The following CDKAL1 variants were observed in gnomAD, a reference collection of about 807,000 sequenced individuals.
CDKAL1 encodes the protein threonylcarbamoyladenosine tRNA methylthiotransferase.
A neutral mutation model predicts 68.2 loss-of-function variants in CDKAL1; 32 were observed. The observed-to-expected ratio is 0.47, with a 90% CI of 0.35 to 0.63. The LOEUF (loss-of-function observed/expected upper bound fraction) is 0.63. Among genes scored for constraint, CDKAL1 ranks in the 30% least tolerant of loss-of-function variants. The pLI, the probability that CDKAL1 is intolerant of heterozygous loss-of-function variation, is 0.00. For synonymous variants in CDKAL1, 234 were observed against 244.3 expected (o/e 0.96, Z 0.39); for missense variants, 606 against 696.7 (o/e 0.87, Z 1.47).
intron 4 of CDKAL1, among the ~76,000 whole-genome samples, chr6:20,574,320 C>T (rs1764827565): frequency 1.3e-5 from 2 of 152,086 alleles, no homozygotes; most frequent in African/African-American, 2.4e-5. Flanking sequence ...AACAGAGCCT[C>T]TCAGAAAGTA....
rs186885497 is a variant in CDKAL1, at chr6:20,942,423, A to C, written c.743-12996A>C. On this transcript the variant is annotated intron_variant, in intron 9 of 15. Coordinates refer to ENST00000274695, the MANE Select transcript of CDKAL1 (RefSeq NM_017774.3). ...GCTATTTTTGCCCAGGTTGGAGGGC[A>C]GTGGCGTGATCTCGGCTCACTGCAA... 3.9e-3 allele frequency among the ~76,000 whole-genome samples: 572 copies of C among 146,814 alleles called. 4 individuals carry two copies. The highest frequency in any genetic ancestry group is 0.014 in the African/African-American group (538 of 39,840).
chr6:20,771,854 C>T (rs1774959790), intron 7 of CDKAL1, among the ~76,000 whole-genome samples: 2 of 152,162 alleles, frequency 1.3e-5, no homozygotes, highest in South Asian at 4.1e-4. Context: ...TTCCTGAGGC[C>T]TTACTAGAAG....
intron 4 of CDKAL1, among the ~76,000 whole-genome samples, chr6:20,593,394 C>G (rs1367793074): frequency 6.6e-6 from 1 of 152,036 alleles, no homozygotes; most frequent in African/African-American, 2.4e-5. Context: ...CTGGTTTAGT[C>G]TTGGGAGGGT....
intron 11 of CDKAL1, among the ~76,000 whole-genome samples, chr6:21,031,518 G>C (rs1481520198): frequency 6.6e-6 from 1 of 151,882 alleles, no homozygotes; most frequent in African/African-American, 2.4e-5. Flanking sequence ...CTGCCTACCA[G>C]GGGCTGGGAG....
chr6:20,655,241 T>C (rs1324596655), intron 5 of CDKAL1, among the ~76,000 whole-genome samples: 1 of 152,232 alleles, frequency 6.6e-6, no homozygotes, highest in African/African-American at 2.4e-5. Context: ...CTGTTTTTAC[T>C]GCCTTGGTCA....
chr6:20,831,414 G>A (rs536491410), intron 8 of CDKAL1, among the ~76,000 whole-genome samples: 3 of 89,128 alleles, frequency 3.4e-5, no homozygotes, highest in African/African-American at 8.7e-5. Flanking sequence ...ATGTGCGGAC[G>A]AGTGTTGTTG....
chr6:20,895,801 A>G (rs919190961), intron 9 of CDKAL1, among the ~76,000 whole-genome samples: 5 of 152,138 alleles, frequency 3.3e-5, no homozygotes, highest in Non-Finnish European at 7.3e-5. Context: ...ACCCAAAAAC[A>G]TGTCCAGTTG....
chr6:20,734,161 AAAAAG>A (rs913160993), intron 5 of CDKAL1, among the ~76,000 whole-genome samples: 4 of 151,764 alleles, frequency 2.6e-5, no homozygotes, highest in African/African-American at 9.7e-5. Flanking sequence ...AAAAAAAAAA[AAAAAG>A]AAAGAAAGAA....
chr6:20,868,471 C>T (rs2150535932), intron 9 of CDKAL1, among the ~76,000 whole-genome samples: 1 of 152,356 alleles, frequency 6.6e-6, no homozygotes. Context: ...GCACTTATTT[C>T]AGTATGTCCT....
intron 10 of CDKAL1, among the ~76,000 whole-genome samples, chr6:20,983,308 C>CT (rs1052223295): frequency 6.6e-6 from 1 of 152,106 alleles, no homozygotes; most frequent in Non-Finnish European, 1.5e-5. Context: ...ACGCATGAGA[C>CT]TTTTTTAAAA....
intron 4 of CDKAL1, among the ~76,000 whole-genome samples, chr6:20,640,317 T>C (rs1344784851): frequency 6.6e-6 from 1 of 152,230 alleles, no homozygotes; most frequent in African/African-American, 2.4e-5. Context: ...TTTTGTGTTG[T>C]TTCTTGGGTT....
chr6:20,749,355 A>G (rs1387304213), intron 6 of CDKAL1, among the ~76,000 whole-genome samples: 1 of 151,882 alleles, frequency 6.6e-6, no homozygotes, highest in African/African-American at 2.4e-5. Flanking sequence ...CCCTCTTTTG[A>G]CCACACAACC....
intron 8 of CDKAL1, among the ~76,000 whole-genome samples, chr6:20,792,510 C>A (rs140214625): frequency 6.6e-6 from 1 of 152,264 alleles, no homozygotes; most frequent in South Asian, 2.1e-4. Context: ...TGTTACTGCT[C>A]TTGCGGAAAA....
chr6:21,230,308 C>T (rs1275558237), intron 15 of CDKAL1, among the ~76,000 whole-genome samples: 1 of 152,202 alleles, frequency 6.6e-6, no homozygotes. Context: ...ACTACCGGCA[C>T]CTGCCACCAC....
intron 5 of CDKAL1, among the ~76,000 whole-genome samples, chr6:20,704,894 T>A (rs1159654720): frequency 6.6e-6 from 1 of 152,196 alleles, no homozygotes; most frequent in Non-Finnish European, 1.5e-5. Context: ...ATCTGGTTAA[T>A]TTGCAACAAA....
At chr6:21,069,804 T>TTTTA (rs60342057) in intron 12 of CDKAL1, among the ~76,000 whole-genome samples, 1,791 of 85,262 alleles carry the variant, frequency 0.021, 136 homozygotes, top group African/African-American at 0.027. Context: ...TTTTTTTTTT[T>TTTTA]AAAACAGAGC....
chr6:20,849,599 A>C (rs1561829826), intron 9 of CDKAL1, among the ~76,000 whole-genome samples: 2 of 151,720 alleles, frequency 1.3e-5, no homozygotes. Flanking sequence ...AAAAAAAAAA[A>C]AACATTATGA....
intron 13 of CDKAL1, among the ~76,000 whole-genome samples, chr6:21,168,549 A>T (rs1225971710): frequency 6.6e-6 from 1 of 152,222 alleles, no homozygotes; most frequent in African/African-American, 2.4e-5. Context: ...ACTCAAAGCT[A>T]TTGTCTTACA....
At chr6:20,773,525 A>G (rs1775033691) in intron 7 of CDKAL1, among the ~76,000 whole-genome samples, 1 of 152,102 alleles carries the variant, frequency 6.6e-6, no homozygotes. Context: ...TATGTACGGT[A>G]CATTTATTTA....
Sources: allele counts gnomAD v4.1 joint callset (sites outside exome capture counted in the v4.1 genomes callset), GRCh38; gene constraint gnomAD v4.1.1; transcripts MANE v1.5; gene names NCBI Gene and HGNC (gene_info 2026-07-23, HGNC 2026-07-21).